The following SFXN2 variants were observed in gnomAD, a reference collection of about 807,000 sequenced individuals.
SFXN2 encodes sideroflexin-2.
In SFXN2, 37 loss-of-function variants were observed where a neutral mutation model predicts 41.9. The ratio of observed to expected loss-of-function variants is 0.88; its 90% CI spans 0.68 to 1.16. SFXN2 has a LOEUF of 1.16. Ranked by LOEUF, SFXN2 falls within the 50% of genes most tolerant of loss-of-function variation. The pLI, the probability that SFXN2 is intolerant of heterozygous loss-of-function variation, is 0.00. For synonymous variants in SFXN2, 150 were observed against 156.7 expected, an observed-to-expected ratio of 0.96 and a Z score of 0.32; for missense variants, 386 against 425.2, an observed-to-expected ratio of 0.91 and a Z score of 0.81.
Position 102,726,817 on chromosome 10 carries a change from G to T in SFXN2, c.161+20G>T, listed in dbSNP as rs545345610. 6.8e-6 allele frequency: 11 copies of T among 1,613,250 alleles called. No homozygotes were observed. Among genetic ancestry groups the T allele is most frequent in the African/African-American group, 5.3e-5 (4 of 75,038 alleles). ...GAGCAGGTGAGGGGTCGGGGAAGGG[G>T]CTGGAAGTAGTAGGGTAACATTGAT... On this transcript the variant is annotated intron_variant, in intron 2 of 11. Coordinates refer to ENST00000369893, the MANE Select transcript of SFXN2 (RefSeq NM_178858.6).
At chr10:102,724,767 C>A (rs781381379) in intron 1 of SFXN2, among the ~76,000 whole-genome samples, 1 of 152,052 alleles carries the variant, frequency 6.6e-6, no homozygotes, top group African/African-American at 2.4e-5. Flanking sequence ...TCCACTTTTC[C>A]CTTCAGAGTC....
At chr10:102,720,484 T>C (rs2064493888) in intron 1 of SFXN2, among the ~76,000 whole-genome samples, 1 of 151,634 alleles carries the variant, frequency 6.6e-6, no homozygotes, top group Non-Finnish European at 1.5e-5. Flanking sequence ...GGCACATGCC[T>C]GTGGTCCCAG....
chr10:102,721,136 C>A (rs936995463), intron 1 of SFXN2, among the ~76,000 whole-genome samples: 1 of 152,132 alleles, frequency 6.6e-6, no homozygotes, highest in African/African-American at 2.4e-5. Flanking sequence ...GATTGCCTAG[C>A]CAACAGCCAC....
chr10:102,731,651 C>T (rs149898492), intron 6 of SFXN2, 72 bp from the exon 7 acceptor site: 4 of 1,396,218 alleles, frequency 2.9e-6, no homozygotes, highest in Non-Finnish European at 4.0e-6. Flanking sequence ...GCCTTGGTCC[C>T]CTGGCATGTC....
rs2064744725 is a variant in SFXN2 at position 102,734,412 on chromosome 10, G to C, written c.821+809G>C. Among the ~76,000 whole-genome samples, 1 of 152,138 alleles carries C rather than the reference G, an allele frequency of 6.6e-6. No homozygotes were observed. Among genetic ancestry groups the C allele is most frequent in the South Asian group, 2.1e-4 (1 of 4,832 alleles). On this transcript the variant is annotated intron_variant, in intron 10 of 11. Transcript: ENST00000369893. This position sits in a 1 kb window ranked among gnomAD's most constrained non-coding sequence, Gnocchi z 4.1. ...TCTCTGTGTCCCCACTGAACCCAGT[G>C]TTTCATATCTATAATTTCACTTAAT...
chr10:102,724,462 G>T (rs2064558727), intron 1 of SFXN2, among the ~76,000 whole-genome samples: 1 of 152,176 alleles, frequency 6.6e-6, no homozygotes. Flanking sequence ...CCAGCACTTT[G>T]GGAGGCCGAG....
In SFXN2 at chr10:102,743,099, T is replaced by G. The variant is rs1842813252; in HGVS notation, c.*5337T>G. On this transcript the variant is annotated 3_prime_UTR_variant, in exon 12 of 12. Coordinates refer to ENST00000369893, the MANE Select transcript of SFXN2 (RefSeq NM_178858.6). ...ACAGAGAGGACCGTGTTGGGAAGTT[T>G]GGACTCTCTATTCTGTAGGTAGATG... 6.6e-6 allele frequency: 1 copy of G among 152,234 alleles called. No individual in the cohort carries two copies. The allele number at this position is 152,234 out of a possible 1,614,324, so 9.4% of individuals were successfully genotyped here.
Position 102,726,633 on chromosome 10 carries a change from C to A in SFXN2, c.-4C>A, listed in dbSNP as rs2064596902. ...TTAGGTCCACAGTTTTATGTGTGAGCAAGATGGAGGCTGACCTGTCTGGCT... is the reference window on the plus strand; with the variant it reads ...TTAGGTCCACAGTTTTATGTGTGAGAAAGATGGAGGCTGACCTGTCTGGCT... On this transcript the variant is annotated 5_prime_UTR_variant, in exon 2 of 12. Coordinates refer to ENST00000369893, the MANE Select transcript of SFXN2 (RefSeq NM_178858.6). The A allele has an allele frequency of 6.2e-7, 1 of 1,614,036 alleles. No individual in the cohort carries two copies. Among genetic ancestry groups the A allele is most frequent in the Non-Finnish European group, 8.5e-7 (1 of 1,179,948 alleles).
chr10:102,743,261 A>G lies in SFXN2; in HGVS notation c.*5499A>G, dbSNP rs1055487974. 6.6e-6 allele frequency: 1 copy of G among 152,326 alleles called. No homozygotes were observed. Among genetic ancestry groups the G allele is most frequent in the African/African-American group, 2.4e-5 (1 of 41,464 alleles). 9.4% of individuals were successfully genotyped at this position (152,326 alleles called of 1,614,324 possible). On this transcript the variant is annotated 3_prime_UTR_variant, in exon 12 of 12. Coordinates refer to ENST00000369893, the MANE Select transcript of SFXN2 (RefSeq NM_178858.6). ...GAAGCCATTTGTATTTAGCTAGAAG[A>G]ACATGGATTGAAGCAATGGATGATG...
Position 102,726,995 on chromosome 10 carries a change from T to C in SFXN2, c.170T>C (p.Val57Ala). 6.3e-7 allele frequency: 1 copy of C among 1,597,276 alleles called. No homozygotes were observed. Among genetic ancestry groups the C allele is most frequent in the Non-Finnish European group, 8.6e-7 (1 of 1,166,848 alleles). The change falls in exon 3 of 12, where the codon GTT becomes GCT. Residue 57 changes from valine to alanine, a missense_variant. Physicochemically the swap from Val to Ala is moderately conservative, Grantham distance 64. Coordinates refer to ENST00000369893, the MANE Select transcript of SFXN2 (RefSeq NM_178858.6). ...CTGTCCTTGGGTGGCAGGATGGGGG[T>C]TGTGCCCCCAGGCACCCAAGTGGAG... Reference protein sequence around the residue: ...KVMVEKSRMGVVPPGTQVEQL... With the variant: ...KVMVEKSRMGAVPPGTQVEQL...
intron 8 of SFXN2, among the ~76,000 whole-genome samples, 172 bp downstream of exon 8, chr10:102,732,390 C>T (rs1260560589): frequency 6.6e-6 from 1 of 152,214 alleles, no homozygotes; most frequent in African/African-American, 2.4e-5. Context: ...CCTAGAACAT[C>T]AGTTCATCCA....
rs192087094 is a variant in SFXN2 at position 102,728,443 on chromosome 10, G to A, written c.345G>A (p.Ala115=). The A allele has an allele frequency of 6.6e-5, 107 of 1,614,028 alleles. No individual in the cohort carries two copies. Among genetic ancestry groups the A allele is most frequent in the African/African-American group, 2.1e-4 (16 of 75,016 alleles). Residue 115 remains alanine (A), a synonymous_variant, in exon 4 of 12, where the codon GCG becomes GCA. Coordinates refer to ENST00000369893, the MANE Select transcript of SFXN2 (RefSeq NM_178858.6). ...TCCTCACTGGTAGGACGATGCCGGC[G>A]GTGATCTTCTGGCAGTGGGTGAACC... The part of the protein sequence containing the change: ...FMLQFYRTMP[A]VIFWQWVNQS...
rs1001128078 is a variant in SFXN2 at position 102,731,646 on chromosome 10, G to T, written c.594-77G>T. The T allele has an allele frequency of 3.0e-6, 4 of 1,323,688 alleles. 1 individual carries two copies. The African/African-American group carries it at 4.3e-5, about 14-fold the overall frequency. 82.0% of individuals were successfully genotyped at this position (1,323,688 alleles called of 1,614,324 possible). A position where few individuals can be genotyped will look rare whatever the true frequency, so the allele number is the denominator to read the frequency against. ...CCTGGAGCTTAAGTGGCCTGGCCTT[G>T]GTCCCCTGGCATGTCATGTGGCTGG... is the stretch of plus-strand genomic sequence containing the variant. On this transcript the variant is annotated intron_variant, in intron 6 of 11. Coordinates refer to ENST00000369893, the MANE Select transcript of SFXN2 (RefSeq NM_178858.6).
chr10:102,737,110 C>T (rs1367381939), intron 11 of SFXN2, among the ~76,000 whole-genome samples: 1 of 152,036 alleles, frequency 6.6e-6, no homozygotes, highest in Non-Finnish European at 1.5e-5. Flanking sequence ...GCCGAGATTG[C>T]ACCACTGCAC....
At chr10:102,730,081 C>G (rs2064678813) in intron 6 of SFXN2, among the ~76,000 whole-genome samples, 2 of 152,158 alleles carry the variant, frequency 1.3e-5, no homozygotes, top group African/African-American at 4.8e-5. Flanking sequence ...GAGTTTTACA[C>G]TGGATCATGT....
Position 102,737,743 on chromosome 10 carries a change from A to T in SFXN2, c.950A>T (p.Tyr317Phe). ...TATGGAGAACTTGAGCCTTATGTCT[A>T]CTTCAATAAGGGTCTCTAAATGCCC... ...AKYGELEPYVYFNKGL is the reference protein window; with the variant it reads ...AKYGELEPYVFFNKGL The change falls in exon 12 of 12, where the codon TAC becomes TTC. Residue 317 changes from tyrosine to phenylalanine, a missense_variant. Coordinates refer to ENST00000369893, the MANE Select transcript of SFXN2 (RefSeq NM_178858.6). The T allele has an allele frequency of 6.2e-7, 1 of 1,611,974 alleles. No individual in the cohort carries two copies. The highest frequency in any genetic ancestry group is 2.2e-5 in the East Asian group (1 of 44,828).
At chr10:102,729,039 G>A (rs1028142817) in intron 4 of SFXN2, among the ~76,000 whole-genome samples, 3 of 152,226 alleles carry the variant, frequency 2.0e-5, no homozygotes, top group Non-Finnish European at 2.9e-5. Context: ...GATGAGGGAT[G>A]AATGACCCAA....
At chr10:102,716,562 C>CTTTTTTTTTTTTTTT (rs567284795) in intron 1 of SFXN2, 1 of 88,004 alleles carries the variant, frequency 1.1e-5, no homozygotes, top group Admixed American at 1.4e-4. Flanking sequence ...TCTTTCTTTC[C>CTTTTTTTTTTTTTTT]TTTTTTTTTT....
rs971006730 is a variant in SFXN2, at chr10:102,740,037, T to A, written c.*2275T>A. 1.3e-5 allele frequency: 2 copies of A among 152,218 alleles called. No individual in the cohort carries two copies. Among genetic ancestry groups the A allele is most frequent in the African/African-American group, 4.8e-5 (2 of 41,436 alleles). The allele number at this position is 152,218 out of a possible 1,614,324, so 9.4% of individuals were successfully genotyped here. On this transcript the variant is annotated 3_prime_UTR_variant, in exon 12 of 12. Coordinates refer to ENST00000369893, the MANE Select transcript of SFXN2 (RefSeq NM_178858.6). Reference sequence around the variant, plus strand: ...ATTTCTAGTCATTGCCCGGTGATGCTGATTCTGTTGGTCTTGGCACCATAC... The same window carrying A: ...ATTTCTAGTCATTGCCCGGTGATGCAGATTCTGTTGGTCTTGGCACCATAC...
Sources: allele counts gnomAD v4.1 joint callset (sites outside exome capture counted in the v4.1 genomes callset), GRCh38; gene constraint gnomAD v4.1.1; non-coding constraint Gnocchi (gnomAD v3.1); transcripts MANE v1.5; gene names NCBI Gene and HGNC (gene_info 2026-07-23, HGNC 2026-07-21).